The following ARK2N variants were observed in gnomAD, a reference collection of about 807,000 sequenced individuals.
ARK2N encodes the protein arkadia (RNF111) N-terminal like PKA signaling regulator 2N, also known as protein ARK2N.
chr18:46,238,732 T>C, the ARK2N span, among the ~76,000 whole-genome samples: 1 of 152,212 alleles, frequency 6.6e-6, no homozygotes, highest in African/African-American at 2.4e-5. Context: ...CATAAACCTG[T>C]GGTTTGGTAG....
chr18:46,237,023 C>T, the ARK2N span, among the ~76,000 whole-genome samples: 9 of 151,982 alleles, frequency 5.9e-5, no homozygotes, highest in East Asian at 9.7e-4. Flanking sequence ...CCACCACACC[C>T]GGCTAATTTT....
At chr18:46,257,690 G>T in the ARK2N span, among the ~76,000 whole-genome samples, 1 of 150,992 alleles carries the variant, frequency 6.6e-6, no homozygotes. Context: ...CGTTGGTCCT[G>T]TTATTTTTTC....
At chr18:46,255,563 T>A in the ARK2N span, among the ~76,000 whole-genome samples, 1 of 149,984 alleles carries the variant, frequency 6.7e-6, no homozygotes, top group Non-Finnish European at 1.5e-5. Context: ...GCAATTCTCC[T>A]GTCTCAGGCC....
the ARK2N span, among the ~76,000 whole-genome samples, chr18:46,210,078 A>G: frequency 0.011 from 1,663 of 152,300 alleles, 13 homozygotes; most frequent in Non-Finnish European, 0.018. Flanking sequence ...TCTCTCATAA[A>G]GAGAACATAT....
At chr18:46,177,444 T>A in the ARK2N span, among the ~76,000 whole-genome samples, 1 of 147,920 alleles carries the variant, frequency 6.8e-6, no homozygotes, top group Non-Finnish European at 1.5e-5. Context: ...TTTTTTTTTT[T>A]TTTTTTTGAT....
the ARK2N span, among the ~76,000 whole-genome samples, chr18:46,251,235 G>A: frequency 6.6e-6 from 1 of 152,210 alleles, no homozygotes; most frequent in African/African-American, 2.4e-5. Context: ...CAGTGTGCAT[G>A]AGGATAGGAA....
the ARK2N span, among the ~76,000 whole-genome samples, chr18:46,205,066 C>A: frequency 1.3e-5 from 2 of 151,998 alleles, no homozygotes; most frequent in Non-Finnish European, 2.9e-5. Context: ...CACGACCACG[C>A]CTGGCTAATT....
the ARK2N span, among the ~76,000 whole-genome samples, chr18:46,201,990 A>G: frequency 5.3e-5 from 8 of 151,854 alleles, no homozygotes; most frequent in East Asian, 1.2e-3. Flanking sequence ...GTTGGCCGAG[A>G]TGGTCTCGAA....
the ARK2N span, among the ~76,000 whole-genome samples, chr18:46,252,409 T>C: frequency 6.6e-6 from 1 of 151,946 alleles, no homozygotes; most frequent in Non-Finnish European, 1.5e-5. Context: ...CCTGAGTAGC[T>C]GGGACTACAG....
the ARK2N span, among the ~76,000 whole-genome samples, chr18:46,230,529 C>T: frequency 1.3e-5 from 2 of 152,182 alleles, no homozygotes; most frequent in African/African-American, 4.8e-5. Context: ...AAATCTCTTT[C>T]AACCTACAAC....
the ARK2N span, chr18:46,174,396 TC>T: frequency 6.6e-6 from 1 of 151,860 alleles, no homozygotes; most frequent in South Asian, 2.1e-4. Context: ...CCGGGTTGCG[TC>T]CCAGGGAGGG....
At chr18:46,188,062 T>C in the ARK2N span, among the ~76,000 whole-genome samples, 1 of 152,160 alleles carries the variant, frequency 6.6e-6, no homozygotes, top group African/African-American at 2.4e-5. Context: ...AGTATGGAAG[T>C]TTTTTGTAAG....
chr18:46,206,140 C>T, the ARK2N span, among the ~76,000 whole-genome samples: 4 of 151,282 alleles, frequency 2.6e-5, no homozygotes, highest in Admixed American at 1.3e-4. Context: ...GGCTGGAGTG[C>T]AGTGCCATGA....
chr18:46,264,020 A>G, the ARK2N span: 1 of 152,320 alleles, frequency 6.6e-6, no homozygotes, highest in Admixed American at 6.5e-5. Flanking sequence ...ATCCGAGAGG[A>G]AAGTGCCGTC....
chr18:46,264,823 T>C, the ARK2N span: 1 of 151,628 alleles, frequency 6.6e-6, no homozygotes, highest in African/African-American at 2.4e-5. Flanking sequence ...TCCACAGGAA[T>C]GTATTTGTGC....
chr18:46,198,145 T>C, the ARK2N span, among the ~76,000 whole-genome samples: 1 of 151,852 alleles, frequency 6.6e-6, no homozygotes, highest in Admixed American at 6.6e-5. Flanking sequence ...CTACTAAAAA[T>C]ACAAAAGTTA....
the ARK2N span, among the ~76,000 whole-genome samples, chr18:46,223,628 T>A: frequency 6.6e-6 from 1 of 152,236 alleles, no homozygotes; most frequent in South Asian, 2.1e-4. Context: ...CAATAGAGCA[T>A]TTCATAAGAG....
the ARK2N span, among the ~76,000 whole-genome samples, chr18:46,250,491 T>TACACACACACACAAACACAC: frequency 7.7e-6 from 1 of 129,676 alleles, no homozygotes. Context: ...CCTCCATTCG[T>TACACACACACACAAACACAC]ACACACACAC....
the ARK2N span, chr18:46,240,166 G>C: frequency 1.2e-6 from 2 of 1,614,196 alleles, no homozygotes; most frequent in African/African-American, 2.7e-5. Context: ...CGGGCTTCTA[G>C]AGGAGCTGAA....
Sources: allele counts gnomAD v4.1 joint callset (sites outside exome capture counted in the v4.1 genomes callset), GRCh38; gene constraint gnomAD v4.1.1; transcripts MANE v1.5; gene names NCBI Gene and HGNC (gene_info 2026-07-23, HGNC 2026-07-21).